AFG1L: variants seen among roughly 807,000 people sequenced by gnomAD.
AFG1L encodes AFG1-like ATPase.
AFG1L carries 53 observed loss-of-function variants against 62.2 expected under a neutral mutation model. The observed-to-expected ratio is 0.85, with a 90% CI of 0.68 to 1.07. AFG1L has a LOEUF of 1.07. AFG1L is among the 50% of genes least tolerant of loss of function. The probability of loss-of-function intolerance (pLI) is 0.00; values close to 1 mark genes in which losing one functional copy is unlikely to be tolerated. For synonymous variants in AFG1L, 228 were observed against 210.3 expected (o/e 1.08, Z -0.73); for missense variants, 555 against 590.5 (o/e 0.94, Z 0.62).
intron 2 of AFG1L, among the ~76,000 whole-genome samples, chr6:108,328,718 C>G (rs2114330334): frequency 6.6e-6 from 1 of 152,248 alleles, no homozygotes; most frequent in African/African-American, 2.4e-5. Context: ...CAGGACCCAT[C>G]TTACAGTAGT....
intron 7 of AFG1L, among the ~76,000 whole-genome samples, chr6:108,442,967 G>A (rs909835686): frequency 6.6e-6 from 1 of 152,158 alleles, no homozygotes; most frequent in East Asian, 1.9e-4. Context: ...CTCAGCCCTT[G>A]CGTAACAGTA....
chr6:108,510,626 T>G (rs1774607995), intron 11 of AFG1L, among the ~76,000 whole-genome samples: 2 of 152,228 alleles, frequency 1.3e-5, no homozygotes, highest in Non-Finnish European at 2.9e-5. Flanking sequence ...AGTACTATAG[T>G]AAAGCTCCCA....
At position 108,399,935 on chromosome 6, in the gene AFG1L, C is replaced by T. The variant is rs183999701; in HGVS notation, c.749-2061C>T. Among the ~76,000 whole-genome samples, 54 of 151,658 alleles carry T rather than the reference C, an allele frequency of 3.6e-4. No homozygotes were observed. The East Asian group carries it at 8.0e-3, about 22-fold the overall frequency. On this transcript the variant is annotated intron_variant, in intron 6 of 12. Coordinates refer to ENST00000368977, the MANE Select transcript of AFG1L (RefSeq NM_145315.5). ...CTGGGGCTACAGGCACATGCCACCA[C>T]GCCTGGCTAATTTTTGTATTTTTTG...
chr6:108,502,439 A>G (rs766873730), intron 10 of AFG1L, among the ~76,000 whole-genome samples: 1 of 152,152 alleles, frequency 6.6e-6, no homozygotes, highest in Non-Finnish European at 1.5e-5. Context: ...TCCCTGCCTC[A>G]GGTGATCCAC....
chr6:108,341,340 G>A (rs1778674610), intron 2 of AFG1L, among the ~76,000 whole-genome samples: 1 of 152,184 alleles, frequency 6.6e-6, no homozygotes, highest in Admixed American at 6.5e-5. Flanking sequence ...TAAATTGCTT[G>A]AACTTACTAA....
chr6:108,492,487 TG>T (rs1321791055), intron 10 of AFG1L, among the ~76,000 whole-genome samples: 1 of 152,238 alleles, frequency 6.6e-6, no homozygotes, highest in African/African-American at 2.4e-5. Flanking sequence ...AATACAAAAG[TG>T]GTGGAAACAT....
chr6:108,486,565 C>A lies in AFG1L; in HGVS notation c.1062+9273C>A, dbSNP rs535760153. Among the ~76,000 whole-genome samples the A allele has an allele frequency of 5.9e-5, 9 of 152,092 alleles. No individual in the cohort carries two copies. In the East Asian group the frequency reaches 1.7e-3, roughly 29 times the overall value. ...AAAAAACTAGAAAGGAGCAAAGGAG[C>A]CATAATATCTTAAGAATTATAAGAT... On this transcript the variant is annotated intron_variant, in intron 10 of 12. Transcript: ENST00000368977.
chr6:108,487,953 T>C (rs1219747519), intron 10 of AFG1L, among the ~76,000 whole-genome samples: 4 of 152,126 alleles, frequency 2.6e-5, no homozygotes, highest in African/African-American at 9.7e-5. Context: ...AGGAATGTGG[T>C]ACCTAGAGTA....
intron 8 of AFG1L, among the ~76,000 whole-genome samples, chr6:108,459,928 C>T (rs1199118608): frequency 6.6e-6 from 1 of 151,960 alleles, no homozygotes; most frequent in Non-Finnish European, 1.5e-5. Flanking sequence ...ATTGCTTCTT[C>T]AACAAATAAA....
intron 12 of AFG1L, chr6:108,520,086 C>T (rs1775065871): frequency 3.8e-6 from 1 of 264,804 alleles, no homozygotes; most frequent in Non-Finnish European, 7.3e-6. Context: ...AAGGTGCCCA[C>T]AGTCACACTG....
At chr6:108,486,597 A>G (rs1773584692) in intron 10 of AFG1L, among the ~76,000 whole-genome samples, 1 of 152,184 alleles carries the variant, frequency 6.6e-6, no homozygotes, top group Admixed American at 6.5e-5. Context: ...AGATTTTCAC[A>G]TATTTTAGGG....
chr6:108,443,303 G>GT, intron 7 of AFG1L, among the ~76,000 whole-genome samples: 1 of 152,220 alleles, frequency 6.6e-6, no homozygotes, highest in Non-Finnish European at 1.5e-5. Context: ...TCACAGCATA[G>GT]TAGCCTCCAG....
In AFG1L at chr6:108,440,167, CA is replaced by C. The variant is rs1771478330; in HGVS notation, c.808-7041del. On this transcript the variant is annotated intron_variant, in intron 7 of 12. Transcript: ENST00000368977. ...ATAAGCATGGATCACTTTTTCAGTT[CA>C]AAAAAGATACATTTTTATTTTATTT... Among the ~76,000 whole-genome samples the C allele has an allele frequency of 4.6e-5, 7 of 152,026 alleles. No homozygotes were observed. The South Asian group carries it at 1.5e-3, about 32-fold the overall frequency.
chr6:108,322,710 T>G (rs1206326076), intron 1 of AFG1L, among the ~76,000 whole-genome samples: 1 of 152,252 alleles, frequency 6.6e-6, no homozygotes, highest in Non-Finnish European at 1.5e-5. Flanking sequence ...AAGTAATTTT[T>G]ATGTTATTGT....
chr6:108,407,678 C>G (rs1221101036), intron 7 of AFG1L, among the ~76,000 whole-genome samples: 1 of 134,754 alleles, frequency 7.4e-6, no homozygotes, highest in Non-Finnish European at 1.5e-5. Flanking sequence ...AAGCAATACC[C>G]TGTCTCTGGA....
chr6:108,483,498 A>G (rs538321721), intron 10 of AFG1L, among the ~76,000 whole-genome samples: 1 of 152,338 alleles, frequency 6.6e-6, no homozygotes, highest in South Asian at 2.1e-4. Flanking sequence ...TCCTACCGAA[A>G]GAAAATAAGC....
intron 2 of AFG1L, among the ~76,000 whole-genome samples, chr6:108,343,660 CT>C (rs1778764547): frequency 6.6e-6 from 1 of 152,128 alleles, no homozygotes; most frequent in South Asian, 2.1e-4. Flanking sequence ...GAGCATAATG[CT>C]TTTTCTGGCA....
intron 7 of AFG1L, among the ~76,000 whole-genome samples, chr6:108,445,813 A>G (rs1326898751): frequency 6.6e-6 from 1 of 152,138 alleles, no homozygotes; most frequent in Non-Finnish European, 1.5e-5. Context: ...ATCACATAAT[A>G]TGTGATCACC....
chr6:108,303,330 A>C (rs1188802812), intron 1 of AFG1L, among the ~76,000 whole-genome samples: 3 of 152,180 alleles, frequency 2.0e-5, no homozygotes, highest in East Asian at 3.8e-4. Flanking sequence ...TACAGGCGTG[A>C]GCCAACATGC....
Sources: gnomAD v4.1 joint callset for allele counts (sites outside exome capture counted in the v4.1 genomes callset) on GRCh38, gnomAD v4.1.1 for gene constraint, MANE v1.5 for transcripts, NCBI Gene and HGNC (gene_info 2026-07-23, HGNC 2026-07-21) for gene names.